The following MAST3 variants were observed in gnomAD, a reference collection of about 807,000 sequenced individuals.
MAST3 encodes the protein microtubule associated serine/threonine kinase 3.
MAST3 carries 43 observed loss-of-function variants against 127.0 expected under a neutral mutation model. The observed-to-expected ratio is 0.34, with a 90% confidence interval of 0.27 to 0.44. MAST3 has a LOEUF of 0.44. Ranked by LOEUF, MAST3 falls within the 20% of genes least tolerant of loss-of-function variation. The pLI is 1.00. For synonymous variants in MAST3, 785 were observed against 809.2 expected, an observed-to-expected ratio of 0.97 and a Z score of 0.51; for missense variants, 1,390 against 1,919.1, an observed-to-expected ratio of 0.72 and a Z score of 5.15.
In MAST3 at chr19:18,146,912, C is replaced by T. The variant is rs1361473432; in HGVS notation, c.3194C>T (p.Ala1065Val). ...SGNKISLRTT[A>V]LENTSIKVGP... ...AACAAGATATCCCTGCGGACCACAG[C>T]CCTGGAGAACACCTCCATCAAGGTG... The change falls in exon 26 of 28, where the codon GCC becomes GTC. Residue 1065 changes from alanine to valine, a missense_variant. Ala to Val is a moderately conservative substitution (Grantham distance 64). This residue lies in a region of MAST3 where 816 missense variants were observed against 934.1 expected (regional missense o/e 0.87). Transcript: ENST00000687212. The T allele has an allele frequency of 2.6e-6, 4 of 1,557,192 alleles. No individual in the cohort carries two copies. Among genetic ancestry groups the T allele is most frequent in the Non-Finnish European group, 3.5e-6 (4 of 1,150,200 alleles).
chr19:18,131,551 T>A (rs934470997), intron 14 of MAST3, among the ~76,000 whole-genome samples: 1 of 134,614 alleles, frequency 7.4e-6, no homozygotes, highest in Non-Finnish European at 1.6e-5. Flanking sequence ...ATACAAAAAT[T>A]AGCTGGGTGT....
intron 20 of MAST3, among the ~76,000 whole-genome samples, chr19:18,139,957 T>C (rs868235034): frequency 2.3e-4 from 35 of 149,174 alleles, no homozygotes; most frequent in African/African-American, 6.9e-4. Flanking sequence ...GTAGCTGGGA[T>C]TACAGGTGCC....
At position 18,110,944 on chromosome 19, in the gene MAST3, C is replaced by A. The variant is rs759218805; in HGVS notation, c.161+203C>A. Reference sequence around the variant, plus strand: ...AAAATTCCATTTTTAGCCAGGCCAGCATCTGACAGGTGGCCAAGGAAAGGG... The same window carrying A: ...AAAATTCCATTTTTAGCCAGGCCAGAATCTGACAGGTGGCCAAGGAAAGGG... On this transcript the variant is annotated intron_variant, in intron 3 of 27. Coordinates refer to ENST00000687212, the MANE Select transcript of MAST3 (RefSeq NM_001393504.1). The surrounding 1 kb of genome is among the most constrained non-coding windows in gnomAD (Gnocchi z 4.3). Among the ~76,000 whole-genome samples the A allele has an allele frequency of 2.0e-4, 31 of 152,164 alleles. No individual in the cohort carries two copies. Among genetic ancestry groups the A allele is most frequent in the Non-Finnish European group, 7.3e-5 (5 of 68,032 alleles).
At chr19:18,106,254 AT>A (rs1021686389) in intron 1 of MAST3, among the ~76,000 whole-genome samples, 3 of 150,600 alleles carry the variant, frequency 2.0e-5, no homozygotes, top group African/African-American at 4.9e-5. Flanking sequence ...CACCTGGCTA[AT>A]TTTTTTTTCT....
rs1555811148 is a variant in MAST3 at position 18,149,899 on chromosome 19, C to CG, written c.*177dup. Reference sequence around the variant, plus strand: ...ACATCGCTTGTGTTCTGGTGTCAATCGGGGCTGGATGGGGCAAGAATGGGG... The same window carrying CG: ...ACATCGCTTGTGTTCTGGTGTCAATCGGGGGCTGGATGGGGCAAGAATGGGG... On this transcript the variant is annotated 3_prime_UTR_variant, in exon 28 of 28. Coordinates refer to ENST00000687212, the MANE Select transcript of MAST3 (RefSeq NM_001393504.1). This position sits in a 1 kb window ranked among gnomAD's most constrained non-coding sequence, Gnocchi z 5.9. 1.0e-5 allele frequency: 9 copies of CG among 877,532 alleles called. No individual in the cohort carries two copies. Among genetic ancestry groups the CG allele is most frequent in the Middle Eastern group, 3.3e-4 (1 of 3,050 alleles). 54.4% of individuals were successfully genotyped at this position (877,532 alleles called of 1,614,324 possible).
At chr19:18,116,049 C>G in intron 3 of MAST3, among the ~76,000 whole-genome samples, 1 of 150,706 alleles carries the variant, frequency 6.6e-6, no homozygotes, top group African/African-American at 2.4e-5. Context: ...GCAGTGTTCT[C>G]TCCTTTCTCT....
chr19:18,120,952 C>G (rs1365270592), intron 3 of MAST3, among the ~76,000 whole-genome samples: 1 of 152,068 alleles, frequency 6.6e-6, no homozygotes, highest in Admixed American at 6.6e-5. Context: ...AACTCCTGAT[C>G]TCAGGTGATC....
chr19:18,135,020 C>T, intron 17 of MAST3, 38 bp downstream of exon 17: 2 of 1,554,776 alleles, frequency 1.3e-6, no homozygotes, highest in South Asian at 2.4e-5. Context: ...GAGCTGCAGC[C>T]CCACCAGAGC....
intron 11 of MAST3, among the ~76,000 whole-genome samples, chr19:18,127,342 G>GT (rs1275310166): frequency 6.6e-6 from 1 of 152,010 alleles, no homozygotes; most frequent in African/African-American, 2.4e-5. Context: ...GAGGTCAGGA[G>GT]TTTGAGACGA....
chr19:18,149,430 C>G lies in MAST3; in HGVS notation c.3748C>G (p.Pro1250Ala). 6.6e-7 allele frequency: 1 copy of G among 1,508,834 alleles called. No homozygotes were observed. Among genetic ancestry groups the G allele is most frequent in the Non-Finnish European group, 8.8e-7 (1 of 1,133,270 alleles). The allele number at this position is 1,508,834 out of a possible 1,614,324, so 93.5% of individuals were successfully genotyped here. A position where few individuals can be genotyped will look rare whatever the true frequency, so the allele number is the denominator to read the frequency against. Residue 1250 changes from proline (P) to alanine (A), a missense_variant, in exon 28 of 28, where the codon CCT (proline) becomes GCT (alanine). Physicochemically the swap from Pro to Ala is conservative, Grantham distance 27. Around this residue, in one of 5 missense-constraint regions of MAST3, gnomAD observed 816 missense variants for 934.1 expected, o/e 0.87. Coordinates refer to ENST00000687212, the MANE Select transcript of MAST3 (RefSeq NM_001393504.1). This position sits in a 1 kb window ranked among gnomAD's most constrained non-coding sequence, Gnocchi z 5.9. ...PSPLPGHPPA[P>A]ARSPRLRRGQ... is the part of the protein sequence containing the mutation. ...GCCCCTGCCCGGGCACCCGCCCGCA[C>G]CTGCCCGATCCCCGCGGCTGCGCCG... is the stretch of plus-strand genomic sequence containing the variant.
chr19:18,103,747 G>C (rs972467017), intron 1 of MAST3, among the ~76,000 whole-genome samples: 62 of 152,170 alleles, frequency 4.1e-4, no homozygotes, highest in Admixed American at 4.1e-3. Flanking sequence ...GAGGCACAGA[G>C]GGGTTAAGTC....
chr19:18,147,244 C>T (rs62123608), intron 26 of MAST3, among the ~76,000 whole-genome samples, 199 bp from the exon 27 acceptor site: 16,490 of 151,620 alleles, frequency 0.11, 1,132 homozygotes, highest in Admixed American at 0.15. Context: ...ACTGGGACTA[C>T]GGCGTGCACC....
At position 18,097,778 on chromosome 19, in the gene MAST3, G is replaced by C; in HGVS notation, c.-15G>C. On this transcript the variant is annotated 5_prime_UTR_variant, in exon 1 of 28. Coordinates refer to ENST00000687212, the MANE Select transcript of MAST3 (RefSeq NM_001393504.1). ...CGGGGCCGGGGGCGGGCCTGGCGGC[G>C]CGGACTCCCGGGCCATGGACGAGTC... 8.2e-7 allele frequency: 1 copy of C among 1,213,958 alleles called. No homozygotes were observed. The highest frequency in any genetic ancestry group is 1.0e-6 in the Non-Finnish European group (1 of 976,556). 75.2% of individuals were successfully genotyped at this position (1,213,958 alleles called of 1,614,324 possible).
intron 21 of MAST3, among the ~76,000 whole-genome samples, chr19:18,142,643 C>T (rs2042620212): frequency 6.6e-6 from 1 of 151,162 alleles, no homozygotes; most frequent in South Asian, 2.1e-4. Flanking sequence ...AGCCAATGTG[C>T]CCGGCCTTTT....
At position 18,149,897 on chromosome 19, in the gene MAST3, A is replaced by G. The variant is rs1042614054; in HGVS notation, c.*171A>G. The G allele has an allele frequency of 5.3e-5, 39 of 738,570 alleles. No individual in the cohort carries two copies. Among genetic ancestry groups the G allele is most frequent in the African/African-American group, 2.3e-4 (4 of 17,450 alleles). 45.8% of individuals were successfully genotyped at this position (738,570 alleles called of 1,614,324 possible). On this transcript the variant is annotated 3_prime_UTR_variant, in exon 28 of 28. Transcript: ENST00000687212. The surrounding 1 kb of genome is among the most constrained non-coding windows in gnomAD (Gnocchi z 5.9). ...AGACATCGCTTGTGTTCTGGTGTCA[A>G]TCGGGGCTGGATGGGGCAAGAATGG...
rs539661002 is a variant in MAST3 at position 18,112,768 on chromosome 19, GC to G, written c.161+2029del. On this transcript the variant is annotated intron_variant, in intron 3 of 27. Coordinates refer to ENST00000687212, the MANE Select transcript of MAST3 (RefSeq NM_001393504.1). The surrounding 1 kb of genome is among the most constrained non-coding windows in gnomAD (Gnocchi z 4.1). ...TTATAGGCGTGAGCCACTGCACCCC[GC>G]CTGAGATTTTTTTTAAGCCTCTGTG... is the stretch of plus-strand genomic sequence containing the variant. Among the ~76,000 whole-genome samples, 26 of 152,204 alleles carry G rather than the reference GC, an allele frequency of 1.7e-4. No homozygotes were observed. The East Asian group carries it at 5.0e-3, about 29-fold the overall frequency.
intron 20 of MAST3, among the ~76,000 whole-genome samples, chr19:18,139,477 G>A (rs531266559): frequency 2.0e-5 from 3 of 151,558 alleles, no homozygotes; most frequent in Admixed American, 1.3e-4. Flanking sequence ...GGCGCATGCC[G>A]TCACGCCCAG....
In MAST3 at chr19:18,123,353, G is replaced by C. The variant is rs367552076; in HGVS notation, c.536G>C (p.Arg179Pro). ...GAAGGCGGCCGGTCACCCCGCCTCCGACCCCGCTCTCGCAGTCTCAGGTGG... is the reference window on the plus strand; with the variant it reads ...GAAGGCGGCCGGTCACCCCGCCTCCCACCCCGCTCTCGCAGTCTCAGGTGG... ...DEEGGRSPRL[R>P]PRSRSLSPGR... Residue 179 changes from arginine to proline, a missense_variant, in exon 7 of 28, where the codon CGA (arginine) becomes CCA (proline). This residue lies in a region of MAST3 where 277 missense variants were observed against 384.8 expected (regional missense o/e 0.72). Coordinates refer to ENST00000687212, the MANE Select transcript of MAST3 (RefSeq NM_001393504.1). The C allele has an allele frequency of 6.2e-7, 1 of 1,612,510 alleles. No individual in the cohort carries two copies. The highest frequency in any genetic ancestry group is 8.5e-7 in the Non-Finnish European group (1 of 1,179,682).
intron 20 of MAST3, among the ~76,000 whole-genome samples, chr19:18,141,016 ACT>A (rs2042413607): frequency 6.6e-6 from 1 of 151,208 alleles, no homozygotes; most frequent in Non-Finnish European, 1.5e-5. Context: ...CTGGTCTCAA[ACT>A]CCTGTCCTCA....
Sources: allele counts gnomAD v4.1 joint callset (sites outside exome capture counted in the v4.1 genomes callset), GRCh38; gene constraint gnomAD v4.1.1; regional missense constraint gnomAD v4.1.1; non-coding constraint Gnocchi (gnomAD v3.1); transcripts MANE v1.5; gene names NCBI Gene and HGNC (gene_info 2026-07-23, HGNC 2026-07-21).